The following WWC1 variants were observed in gnomAD, a reference collection of about 807,000 sequenced individuals.
The protein encoded by WWC1 is WW and C2 domain containing 1, also known as protein KIBRA.
WWC1 carries 55 observed loss-of-function variants against 138.4 expected under a neutral mutation model. The observed-to-expected ratio is 0.40, with a 90% CI of 0.32 to 0.50. The LOEUF (loss-of-function observed/expected upper bound fraction) is 0.50. Among genes scored for constraint, WWC1 ranks in the 20% least tolerant of loss-of-function variants. The probability of loss-of-function intolerance (pLI) is 0.72; values close to 1 mark genes in which losing one functional copy is unlikely to be tolerated. For synonymous variants in WWC1, 524 were observed against 564.9 expected (o/e 0.93, Z 1.03); for missense variants, 1,226 against 1,420.4 (o/e 0.86, Z 2.20).
At chr5:168,418,993 C>G (rs1780875576) in intron 9 of WWC1, among the ~76,000 whole-genome samples, 1 of 152,148 alleles carries the variant, frequency 6.6e-6, no homozygotes, top group Non-Finnish European at 1.5e-5. Flanking sequence ...GCCTGCTGCT[C>G]CTGTTGCCTT....
At chr5:168,408,044 T>C (rs1258594958) in intron 6 of WWC1, among the ~76,000 whole-genome samples, 1 of 150,514 alleles carries the variant, frequency 6.6e-6, no homozygotes, top group Non-Finnish European at 1.5e-5. Context: ...TTTTTTTTTT[T>C]TTTTTAGAGA....
chr5:168,381,812 A>G (rs1364259858), intron 2 of WWC1, among the ~76,000 whole-genome samples: 1 of 148,890 alleles, frequency 6.7e-6, no homozygotes, highest in Non-Finnish European at 1.5e-5. Context: ...AAAGACCCAG[A>G]ATCACTGGAT....
intron 20 of WWC1, 36 bp from the exon 21 acceptor site, chr5:168,464,693 C>T (rs779499696): frequency 1.2e-6 from 2 of 1,612,992 alleles, no homozygotes; most frequent in Non-Finnish European, 1.7e-6. Context: ...CTGGGCAGAG[C>T]TCTAATAACA....
chr5:168,297,723 G>A (rs1259285428), intron 1 of WWC1, among the ~76,000 whole-genome samples: 1 of 151,002 alleles, frequency 6.6e-6, no homozygotes, highest in Non-Finnish European at 1.5e-5. Flanking sequence ...TCTAGTAAAA[G>A]TTTCTTTTTT....
Position 168,292,424 on chromosome 5 carries a change from T to TC in WWC1, c.119+154dup, listed in dbSNP as rs954977639. 5.9e-5 allele frequency among the ~76,000 whole-genome samples: 9 copies of TC among 151,612 alleles called. No individual in the cohort carries two copies. The highest frequency in any genetic ancestry group is 2.2e-4 in the African/African-American group (9 of 41,284). ...CGCCACCCCCTGCTCCCCCCAACCT[T>TC]CTGGAGCGCTGCTCCCGCCTCAGTG... On this transcript the variant is annotated intron_variant, in intron 1 of 22. Transcript: ENST00000265293. This position sits in a 1 kb window ranked among gnomAD's most constrained non-coding sequence, Gnocchi z 4.4.
At chr5:168,448,454 G>A (rs1467633400) in intron 17 of WWC1, among the ~76,000 whole-genome samples, 1 of 152,030 alleles carries the variant, frequency 6.6e-6, no homozygotes, top group Non-Finnish European at 1.5e-5. Flanking sequence ...AGAAAATACA[G>A]GAGAATATAA....
rs1779143455 is a variant in WWC1 at position 168,399,382 on chromosome 5, A to G, written c.511-106A>G. The stretch of plus-strand genomic sequence containing the variant: ...GCAAGGGGTGCTGACCTGAGTCATT[A>G]TGCAGGCGCAGTGGGAGGCTCTGGG... On this transcript the variant is annotated intron_variant, in intron 4 of 22. Transcript: ENST00000265293. The G allele has an allele frequency of 2.6e-6, 3 of 1,147,596 alleles. No homozygotes were observed. In the South Asian group the frequency reaches 4.2e-5, roughly 16 times the overall value. 71.1% of individuals were successfully genotyped at this position (1,147,596 alleles called of 1,614,324 possible).
At chr5:168,421,374 A>C (rs988651970) in intron 9 of WWC1, among the ~76,000 whole-genome samples, 22 of 152,244 alleles carry the variant, frequency 1.4e-4, no homozygotes, top group African/African-American at 5.3e-4. Context: ...CTCACCTGCC[A>C]GTTCAAATTG....
chr5:168,438,091 C>T (rs1754402166), intron 15 of WWC1, among the ~76,000 whole-genome samples: 1 of 152,138 alleles, frequency 6.6e-6, no homozygotes, highest in Admixed American at 6.5e-5. Context: ...GTGATTTTCC[C>T]TGTTTTCCAG....
intron 15 of WWC1, among the ~76,000 whole-genome samples, chr5:168,434,635 C>G (rs566995891): frequency 2.0e-5 from 3 of 152,308 alleles, no homozygotes; most frequent in Non-Finnish European, 4.4e-5. Context: ...CTCCAGCTTC[C>G]TTATGTGTAG....
At chr5:168,369,285 T>C (rs2085290991) in intron 1 of WWC1, among the ~76,000 whole-genome samples, 1 of 152,222 alleles carries the variant, frequency 6.6e-6, no homozygotes, top group Non-Finnish European at 1.5e-5. Context: ...GAGTTAGTAC[T>C]GTCCTCATTA....
chr5:168,456,670 C>T (rs1421950503), intron 19 of WWC1, among the ~76,000 whole-genome samples: 4 of 150,010 alleles, frequency 2.7e-5, no homozygotes, highest in African/African-American at 9.8e-5. Flanking sequence ...TTAGAAAAGC[C>T]CTTAAGACAA....
At chr5:168,442,688 T>C (rs1014313338) in intron 16 of WWC1, among the ~76,000 whole-genome samples, 6 of 151,346 alleles carry the variant, frequency 4.0e-5, no homozygotes, top group African/African-American at 1.5e-4. Context: ...ATTCTAAAAA[T>C]TAGCCAAGCA....
intron 3 of WWC1, among the ~76,000 whole-genome samples, chr5:168,390,516 T>A (rs1200373774): frequency 6.6e-6 from 1 of 152,192 alleles, no homozygotes; most frequent in African/African-American, 2.4e-5. Context: ...GGATCTGAGA[T>A]TCAAACCACA....
chr5:168,322,108 G>A (rs1426841310), intron 1 of WWC1, among the ~76,000 whole-genome samples: 1 of 152,154 alleles, frequency 6.6e-6, no homozygotes, highest in Non-Finnish European at 1.5e-5. Context: ...CAAGAATACA[G>A]TGGAGTTTTC....
At position 168,371,553 on chromosome 5, in the gene WWC1, C is replaced by G. The variant is rs768054691; in HGVS notation, c.229+20C>G. 6.9e-6 allele frequency: 11 copies of G among 1,586,152 alleles called. No individual in the cohort carries two copies. The East Asian group carries it at 2.2e-4, about 32-fold the overall frequency. On this transcript the variant is annotated intron_variant, in intron 2 of 22. Coordinates refer to ENST00000265293, the MANE Select transcript of WWC1 (RefSeq NM_015238.3). ...ACACCAGTAAGTTCCCGACGGTCCTCCCTTCCCTGTGCCCTCTTCATCCCT... is the reference window on the plus strand; with the variant it reads ...ACACCAGTAAGTTCCCGACGGTCCTGCCTTCCCTGTGCCCTCTTCATCCCT...
intron 15 of WWC1, among the ~76,000 whole-genome samples, chr5:168,440,205 G>A (rs1754622162): frequency 6.6e-6 from 1 of 152,196 alleles, no homozygotes; most frequent in South Asian, 2.1e-4. Flanking sequence ...GTGAAAAGAT[G>A]TTCAACATTA....
chr5:168,463,046 G>A (rs1452713805), intron 20 of WWC1, among the ~76,000 whole-genome samples: 2 of 152,154 alleles, frequency 1.3e-5, no homozygotes, highest in East Asian at 1.9e-4. Flanking sequence ...AATGAGACTA[G>A]GTCTTATGGT....
chr5:168,320,878 C>A (rs1772013568), intron 1 of WWC1, among the ~76,000 whole-genome samples: 1 of 152,082 alleles, frequency 6.6e-6, no homozygotes, highest in Non-Finnish European at 1.5e-5. Context: ...GAGTGCAGAA[C>A]TGGCAACCAG....
Sources: allele counts gnomAD v4.1 joint callset (sites outside exome capture counted in the v4.1 genomes callset), GRCh38; gene constraint gnomAD v4.1.1; non-coding constraint Gnocchi (gnomAD v3.1); transcripts MANE v1.5; gene names NCBI Gene and HGNC (gene_info 2026-07-23, HGNC 2026-07-21).